The following PCNT variants were observed in gnomAD, a reference collection of about 807,000 sequenced individuals.
PCNT encodes kendrin.
Under a neutral mutation model 380.4 loss-of-function variants are expected in PCNT, and 319 were observed. The ratio of observed to expected loss-of-function variants is 0.84; its 90% CI spans 0.77 to 0.92. The LOEUF is 0.92. Ranked by LOEUF, PCNT falls within the 40% of genes least tolerant of loss-of-function variation. The probability of loss-of-function intolerance (pLI) is 0.00; values close to 1 mark genes in which losing one functional copy is unlikely to be tolerated. For synonymous variants in PCNT, 1,845 were observed against 1,735.2 expected (o/e 1.06, Z -1.57); for missense variants, 4,400 against 4,255.3 (o/e 1.03, Z -0.95).
intron 3 of PCNT, among the ~76,000 whole-genome samples, chr21:46,344,423 A>G (rs13048286): frequency 0.31 from 47,091 of 152,018 alleles, 9,041 homozygotes; most frequent in African/African-American, 0.55. Context: ...GTGGCCGCCC[A>G]CCCTGGGGAC....
At chr21:46,426,069 C>CTTTTTTTTCTTT (rs1555996812) in intron 33 of PCNT, 98 bp downstream of exon 33, 3 of 309,266 alleles carry the variant, frequency 9.7e-6, no homozygotes, top group Non-Finnish European at 1.7e-5. Flanking sequence ...GGATTTCTTT[C>CTTTTTTTTCTTT]TTTTTTTTTT....
At chr21:46,346,060 T>C (rs2084055368) in intron 3 of PCNT, 68 bp from the exon 4 acceptor site, 1 of 1,464,782 alleles carries the variant, frequency 6.8e-7, no homozygotes, top group African/African-American at 1.4e-5. Context: ...GCGTCGTCAG[T>C]TCTTGAGCAC....
At position 46,416,680 on chromosome 21, in the gene PCNT, C is replaced by T. The variant is rs758677400; in HGVS notation, c.6762C>T (p.Cys2254=). 40 of 1,563,034 alleles carry T rather than the reference C, an allele frequency of 2.6e-5. 1 individual carries two copies. The South Asian group carries it at 4.8e-4, about 19-fold the overall frequency. ...VTPHSGALSL[C]SADTSLGDRA... is the part of the protein sequence containing the mutation. ...CCCACTCAGGAGCCCTGAGCCTGTGCAGTGCCGACACATCCCTGGGGGACA... is the reference window on the plus strand; with the variant it reads ...CCCACTCAGGAGCCCTGAGCCTGTGTAGTGCCGACACATCCCTGGGGGACA... Residue 2254 remains cysteine, a synonymous_variant, in exon 30 of 47, where the codon TGC becomes TGT. Coordinates refer to ENST00000359568, the MANE Select transcript of PCNT (RefSeq NM_006031.6).
At chr21:46,376,889 T>C (rs1287898327) in intron 15 of PCNT, among the ~76,000 whole-genome samples, 1 of 152,222 alleles carries the variant, frequency 6.6e-6, no homozygotes, top group Non-Finnish European at 1.5e-5. Context: ...GGAGAGAAAG[T>C]TGATTAAAGT....
chr21:46,354,646 C>T lies in PCNT; in HGVS notation c.1761+578C>T, dbSNP rs571705584. Among the ~76,000 whole-genome samples the T allele has an allele frequency of 3.9e-5, 6 of 152,232 alleles. No individual in the cohort carries two copies. The South Asian group carries it at 1.0e-3, about 26-fold the overall frequency. On this transcript the variant is annotated intron_variant, in intron 11 of 46. Transcript: ENST00000359568. ...GACACACGGGAGGGCAGGGAGGAGA[C>T]GCAGGGGCAGCACCGCGTGGCTTGT... is the stretch of plus-strand genomic sequence containing the variant.
At chr21:46,437,688 C>T (rs900864425) in intron 40 of PCNT, among the ~76,000 whole-genome samples, 14 of 152,186 alleles carry the variant, frequency 9.2e-5, no homozygotes, top group African/African-American at 3.4e-4. Context: ...GTGGAGCCCA[C>T]GCATGTGAGG....
rs553815033 is a variant in PCNT at position 46,430,576 on chromosome 21, G to A, written c.7983G>A (p.Lys2661=). ...AGGAGCTGGAGAGTGAGCAGGGGAA[G>A]GGGCGTGCCCTGCAGAGCCAGCTGG... ...ALQELESEQG[K]GRALQSQLEE... is the part of the protein sequence containing the mutation. Residue 2661 remains lysine (K), a synonymous_variant, in exon 37 of 47, where the codon AAG becomes AAA. Coordinates refer to ENST00000359568, the MANE Select transcript of PCNT (RefSeq NM_006031.6). 7 of 1,561,866 alleles carry A rather than the reference G, an allele frequency of 4.5e-6. No individual in the cohort carries two copies. Among genetic ancestry groups the A allele is most frequent in the African/African-American group, 1.4e-5 (1 of 73,812 alleles).
intron 44 of PCNT, 97 bp from the exon 45 acceptor site, chr21:46,443,713 A>G: frequency 8.3e-7 from 1 of 1,206,058 alleles, no homozygotes; most frequent in Non-Finnish European, 1.2e-6. Flanking sequence ...ACAGGCTCTT[A>G]AAAGCTTATA....
intron 26 of PCNT, 103 bp from the exon 27 acceptor site, chr21:46,402,228 T>G: frequency 1.3e-6 from 1 of 789,274 alleles, no homozygotes; most frequent in Non-Finnish European, 2.0e-6. Context: ...TTTAGGCATG[T>G]GCATTTAAAT....
chr21:46,326,346 G>T, intron 1 of PCNT, 31 bp from the exon 2 acceptor site: 1 of 1,606,286 alleles, frequency 6.2e-7, no homozygotes, highest in Non-Finnish European at 8.5e-7. Flanking sequence ...ACTTACCTTT[G>T]CCTTTACTAC....
chr21:46,441,862 A>G (rs2053615170), intron 43 of PCNT, among the ~76,000 whole-genome samples: 1 of 152,074 alleles, frequency 6.6e-6, no homozygotes, highest in South Asian at 2.1e-4. Flanking sequence ...GGCACTGCCT[A>G]GGGTAGCTGC....
chr21:46,420,584 T>G (rs534802090), intron 31 of PCNT: 1 of 152,510 alleles, frequency 6.6e-6, no homozygotes, highest in African/African-American at 2.4e-5. Flanking sequence ...GAAGCATGGT[T>G]TGTGCTGAAG....
At chr21:46,408,571 A>G (rs557862327) in intron 27 of PCNT, among the ~76,000 whole-genome samples, 10 of 152,294 alleles carry the variant, frequency 6.6e-5, no homozygotes, top group African/African-American at 2.4e-4. Flanking sequence ...TGGTAAGGTC[A>G]GTCTTTTTTT....
chr21:46,376,988 A>C (rs1050212640), intron 15 of PCNT, among the ~76,000 whole-genome samples: 5 of 152,222 alleles, frequency 3.3e-5, no homozygotes, highest in African/African-American at 1.2e-4. Context: ...CCCTGTGACT[A>C]AGATGCAGAT....
Position 46,362,243 on chromosome 21 carries a change from G to A in PCNT, c.2155-1237G>A, listed in dbSNP as rs532837939. On this transcript the variant is annotated intron_variant, in intron 13 of 46. Coordinates refer to ENST00000359568, the MANE Select transcript of PCNT (RefSeq NM_006031.6). ...GGCGGGTTCCTTCCCAGGCGTTGCA[G>A]CTCTCTTTCCTCCCTCACTCTCCAG... Among the ~76,000 whole-genome samples the A allele has an allele frequency of 1.1e-4, 17 of 152,340 alleles. No individual in the cohort carries two copies. In the East Asian group the frequency reaches 2.9e-3, roughly 26 times the overall value.
Position 46,346,976 on chromosome 21 carries a change from G to T in PCNT, c.954G>T (p.Val318=), listed in dbSNP as rs374337288. The change falls in exon 5 of 47, where the codon GTG becomes GTT. Residue 318 remains valine (V), a synonymous_variant. Transcript: ENST00000359568. Reference sequence around the variant, plus strand: ...ACGCACGGGAGAAGGAGGAGGTGGTGCTCAGGTGTGGACAGGAAGCAGGTA... The same window carrying T: ...ACGCACGGGAGAAGGAGGAGGTGGTTCTCAGGTGTGGACAGGAAGCAGGTA... ...EQHAREKEEV[V]LRCGQEAAEL... 2.4e-5 allele frequency: 39 copies of T among 1,595,968 alleles called. No homozygotes were observed. Among genetic ancestry groups the T allele is most frequent in the Non-Finnish European group, 3.3e-5 (39 of 1,173,626 alleles).
chr21:46,351,875 T>G (rs1393611802), intron 9 of PCNT, among the ~76,000 whole-genome samples: 2 of 152,220 alleles, frequency 1.3e-5, no homozygotes, highest in Non-Finnish European at 2.9e-5. Context: ...TTGAGTGCTG[T>G]CCAAGTGCGG....
chr21:46,411,605 C>T lies in PCNT; in HGVS notation c.5532C>T (p.Leu1844=). ...QLAELERNVA[L]REAEVEDMAS... ...CTGAGCTGGAGCGCAATGTAGCCCTCAGGGAGGCTGAGGTCGAAGACATGG... is the reference window on the plus strand; with the variant it reads ...CTGAGCTGGAGCGCAATGTAGCCCTTAGGGAGGCTGAGGTCGAAGACATGG... The change falls in exon 28 of 47, where the codon CTC becomes CTT. Residue 1844 remains leucine (L), a synonymous_variant. Coordinates refer to ENST00000359568, the MANE Select transcript of PCNT (RefSeq NM_006031.6). 5 of 1,613,054 alleles carry T rather than the reference C, an allele frequency of 3.1e-6. No individual in the cohort carries two copies. The highest frequency in any genetic ancestry group is 1.1e-5 in the South Asian group (1 of 91,074).
intron 6 of PCNT, among the ~76,000 whole-genome samples, chr21:46,348,776 C>T (rs2084166715): frequency 6.6e-6 from 1 of 151,806 alleles, no homozygotes; most frequent in African/African-American, 2.4e-5. Flanking sequence ...CACCACATCC[C>T]ACTAATTTTT....
Sources: allele counts gnomAD v4.1 joint callset (sites outside exome capture counted in the v4.1 genomes callset), GRCh38; gene constraint gnomAD v4.1.1; transcripts MANE v1.5; gene names NCBI Gene and HGNC (gene_info 2026-07-23, HGNC 2026-07-21).